Variants in SGCZ observed in about 807,000 individuals in gnomAD.
The protein encoded by SGCZ is zeta-sarcoglycan.
In SGCZ, 40 loss-of-function variants were observed where a neutral mutation model predicts 41.3. That is an observed-to-expected ratio of 0.97 (90% confidence interval 0.75 to 1.26). The LOEUF is 1.26. SGCZ is among the 50% of genes most tolerant of loss of function. The pLI, the probability that SGCZ is intolerant of heterozygous loss-of-function variation, is 0.00. For missense variants in SGCZ, 552 were observed against 369.8 expected, an observed-to-expected ratio of 1.49 and a Z score of -4.04; for synonymous variants, 206 against 137.5, an observed-to-expected ratio of 1.50 and a Z score of -3.49.
intron 1 of SGCZ, among the ~76,000 whole-genome samples, chr8:15,052,980 T>C (rs1421674063): frequency 6.6e-6 from 1 of 152,132 alleles, no homozygotes; most frequent in Non-Finnish European, 1.5e-5. Context: ...CAAGGCATAG[T>C]TCCTACATTT....
At chr8:14,096,808 C>G (rs776162981) in intron 7 of SGCZ, among the ~76,000 whole-genome samples, 1 of 151,984 alleles carries the variant, frequency 6.6e-6, no homozygotes, top group African/African-American at 2.4e-5. Flanking sequence ...TTTAGGTATT[C>G]GACTTCTTCC....
At chr8:14,746,361 T>C (rs1434766121) in intron 1 of SGCZ, among the ~76,000 whole-genome samples, 2 of 151,192 alleles carry the variant, frequency 1.3e-5, no homozygotes, top group Admixed American at 6.6e-5. Context: ...AAATCAGAAA[T>C]ACCTGAATAT....
rs758640775 is a variant in SGCZ at position 14,108,156 on chromosome 8, C to G, written c.620+7G>C. 3.0e-5 allele frequency: 48 copies of G among 1,613,676 alleles called. 1 individual carries two copies. In the South Asian group the frequency reaches 4.8e-4, roughly 16 times the overall value. ...TTTATGCCACAGGTATAAGAGGAAG[C>G]CCTTACCTGAGATCTTGGGATGGCT... On this transcript the variant is annotated splice_region_variant and intron_variant, in intron 6 of 7. Coordinates refer to ENST00000382080, the MANE Select transcript of SGCZ (RefSeq NM_139167.4).
chr8:14,934,965 T>C (rs184835532), intron 1 of SGCZ, among the ~76,000 whole-genome samples: 14 of 150,490 alleles, frequency 9.3e-5, no homozygotes, highest in African/African-American at 3.4e-4. Context: ...CTTAGAGTTA[T>C]TCAGAGTTAT....
intron 1 of SGCZ, among the ~76,000 whole-genome samples, chr8:15,149,893 A>C (rs1209702978): frequency 6.6e-6 from 1 of 152,184 alleles, no homozygotes; most frequent in Non-Finnish European, 1.5e-5. Flanking sequence ...GAAAACAAAA[A>C]TGTGCATCAA....
At chr8:14,452,487 AAATAATAAT>A (rs924835957) in intron 2 of SGCZ, among the ~76,000 whole-genome samples, 2 of 151,918 alleles carry the variant, frequency 1.3e-5, no homozygotes, top group African/African-American at 4.8e-5. Flanking sequence ...GATCTCAAAA[AAATAATAAT>A]AATAATAATA....
intron 5 of SGCZ, among the ~76,000 whole-genome samples, chr8:14,125,515 A>AG (rs111237724): frequency 2.7e-5 from 4 of 149,480 alleles, no homozygotes; most frequent in African/African-American, 9.8e-5. Context: ...AAAAAAAAAA[A>AG]AAGAAGAAGA....
intron 1 of SGCZ, among the ~76,000 whole-genome samples, chr8:15,175,229 TG>T (rs1167798796): frequency 6.6e-6 from 1 of 152,140 alleles, no homozygotes; most frequent in East Asian, 1.9e-4. Flanking sequence ...GACACATGCA[TG>T]CTTGTGTTCA....
chr8:14,579,721 G>T (rs4831607), intron 1 of SGCZ, among the ~76,000 whole-genome samples: 15,569 of 152,204 alleles, frequency 0.1, 1,081 homozygotes, highest in East Asian at 0.3. Flanking sequence ...AAGAAAATTA[G>T]TTGAGGCTTA....
At chr8:14,319,648 T>A (rs1449404790) in intron 3 of SGCZ, 2 of 151,974 alleles carry the variant, frequency 1.3e-5, no homozygotes, top group African/African-American at 4.8e-5. Flanking sequence ...AGACGATGAG[T>A]AACTGTAGCC....
intron 1 of SGCZ, among the ~76,000 whole-genome samples, chr8:15,057,362 T>C (rs1804752598): frequency 6.6e-6 from 1 of 152,178 alleles, no homozygotes; most frequent in Non-Finnish European, 1.5e-5. Context: ...ACCTTAAAAG[T>C]TGTTGTCATT....
At chr8:14,634,858 T>A (rs1400344383) in intron 1 of SGCZ, among the ~76,000 whole-genome samples, 3 of 151,848 alleles carry the variant, frequency 2.0e-5, no homozygotes, top group African/African-American at 7.2e-5. Flanking sequence ...GAATATCACA[T>A]TTTTTGAGAG....
At chr8:14,254,801 G>T (rs960941740) in intron 3 of SGCZ, among the ~76,000 whole-genome samples, 10 of 151,896 alleles carry the variant, frequency 6.6e-5, no homozygotes, top group African/African-American at 2.4e-4. Flanking sequence ...TATTCTAAAT[G>T]TGAGTGATCA....
At chr8:14,476,501 A>T (rs2116992219) in intron 2 of SGCZ, among the ~76,000 whole-genome samples, 1 of 152,216 alleles carries the variant, frequency 6.6e-6, no homozygotes, top group South Asian at 2.1e-4. Flanking sequence ...TTAAAGTAAC[A>T]AATTATTAGT....
intron 1 of SGCZ, among the ~76,000 whole-genome samples, chr8:15,204,391 A>C: frequency 6.6e-6 from 1 of 152,330 alleles, no homozygotes; most frequent in African/African-American, 2.4e-5. Flanking sequence ...GGAATAGGAA[A>C]ATAGCATGAA....
intron 6 of SGCZ, among the ~76,000 whole-genome samples, chr8:14,107,124 G>C (rs1473105692): frequency 1.3e-5 from 2 of 151,998 alleles, no homozygotes; most frequent in Non-Finnish European, 2.9e-5. Flanking sequence ...GCTGAGGCAG[G>C]AGAATGGCGT....
intron 1 of SGCZ, among the ~76,000 whole-genome samples, chr8:14,612,725 AG>A (rs1805969815): frequency 6.6e-6 from 1 of 151,970 alleles, no homozygotes; most frequent in African/African-American, 2.4e-5. Context: ...CTCACTCTGT[AG>A]CCCAAGCTGG....
chr8:15,076,831 C>G (rs1291030280), intron 1 of SGCZ, among the ~76,000 whole-genome samples: 4 of 148,330 alleles, frequency 2.7e-5, no homozygotes, highest in African/African-American at 1.0e-4. Flanking sequence ...TTACTATTCT[C>G]TTCTGTCTCA....
chr8:14,883,021 G>A (rs759197913), intron 1 of SGCZ, among the ~76,000 whole-genome samples: 2 of 151,950 alleles, frequency 1.3e-5, no homozygotes, highest in Non-Finnish European at 2.9e-5. Flanking sequence ...AATTCTTAAT[G>A]AGTAGGATCA....
Sources: allele counts gnomAD v4.1 joint callset (sites outside exome capture counted in the v4.1 genomes callset), GRCh38; gene constraint gnomAD v4.1.1; transcripts MANE v1.5; gene names NCBI Gene and HGNC (gene_info 2026-07-23, HGNC 2026-07-21).